The following PICALM variants were observed in gnomAD, a reference collection of about 807,000 sequenced individuals.
The protein encoded by PICALM is phosphatidylinositol-binding clathrin assembly protein.
A neutral mutation model predicts 80.5 loss-of-function variants in PICALM; 40 were observed. That is an observed-to-expected ratio of 0.50 (90% CI 0.39 to 0.65). The LOEUF (loss-of-function observed/expected upper bound fraction) is 0.65. PICALM is among the 30% of genes least tolerant of loss of function. The pLI is 0.00. For missense variants in PICALM, 676 were observed against 778.9 expected, an observed-to-expected ratio of 0.87 and a Z score of 1.57; for synonymous variants, 288 against 260.3, an observed-to-expected ratio of 1.11 and a Z score of -1.02.
rs73508141 is a variant in PICALM at position 86,043,315 on chromosome 11, T to C, written c.131-11704A>G. Among the ~76,000 whole-genome samples the C allele has an allele frequency of 3.0e-3, 450 of 152,326 alleles. 1 individual carries two copies. Among genetic ancestry groups the C allele is most frequent in the African/African-American group, 0.01 (422 of 41,576 alleles). On this transcript the variant is annotated intron_variant, in intron 1 of 19. Transcript: ENST00000393346. ...CTAACCCCTCTACCCATGACCATTT[T>C]TAACAATAATCTCTGCTTCTGTTTT...
rs541539174 is a variant in PICALM at position 86,012,874 on chromosome 11, TA to T, written c.547-483del. On this transcript the variant is annotated intron_variant, in intron 5 of 19. Coordinates refer to ENST00000393346, the MANE Select transcript of PICALM (RefSeq NM_007166.4). Reference sequence around the variant, plus strand: ...AAGTAAATGAAAACAATTTACAAAATAAAAAATACATATGGATAATAACGTG... The same window carrying T: ...AAGTAAATGAAAACAATTTACAAAATAAAAATACATATGGATAATAACGTG... Among the ~76,000 whole-genome samples, 352 of 152,046 alleles carry T rather than the reference TA, an allele frequency of 2.3e-3. 1 individual carries two copies. Among genetic ancestry groups the T allele is most frequent in the African/African-American group, 8.3e-3 (345 of 41,464 alleles).
At chr11:86,039,080 T>C (rs1035094442) in intron 1 of PICALM, among the ~76,000 whole-genome samples, 2 of 150,252 alleles carry the variant, frequency 1.3e-5, no homozygotes, top group Admixed American at 6.7e-5. Flanking sequence ...CACTGCACTC[T>C]TGTCTGGGCA....
At position 85,958,908 on chromosome 11, in the gene PICALM, C is replaced by T. The variant is rs61284324; in HGVS notation, c.*138G>A. ...TCCCAATTTCCTTCATGGGCCTTCA[C>T]TGAGTTACTTGTAGCATTCTAATGG... is the stretch of plus-strand genomic sequence containing the variant. On this transcript the variant is annotated 3_prime_UTR_variant, in exon 20 of 20. Coordinates refer to ENST00000393346, the MANE Select transcript of PICALM (RefSeq NM_007166.4). 1,615 of 590,952 alleles carry T rather than the reference C, an allele frequency of 2.7e-3. 22 individuals are homozygous for T. Among genetic ancestry groups the T allele is most frequent in the African/African-American group, 0.027 (1,465 of 54,344 alleles). The allele number at this position is 590,952 out of a possible 1,614,324, so 36.6% of individuals were successfully genotyped here.
At chr11:85,970,321 T>C (rs927101917) in intron 19 of PICALM, among the ~76,000 whole-genome samples, 4 of 152,302 alleles carry the variant, frequency 2.6e-5, no homozygotes, top group Non-Finnish European at 5.9e-5. Flanking sequence ...AAACCCACTT[T>C]ATGGCAGGTG....
intron 17 of PICALM, chr11:85,978,044 A>C: frequency 1.9e-6 from 3 of 1,603,366 alleles, no homozygotes; most frequent in Non-Finnish European, 2.6e-6. Context: ...AATTTATTGC[A>C]AAAAGGCTCG....
intron 1 of PICALM, among the ~76,000 whole-genome samples, chr11:86,050,278 A>C (rs935921136): frequency 6.6e-6 from 1 of 152,024 alleles, no homozygotes; most frequent in Non-Finnish European, 1.5e-5. Flanking sequence ...CCCAAAAAAA[A>C]AGCCAAAAAG....
intron 17 of PICALM, chr11:85,978,051 C>T: frequency 6.2e-7 from 1 of 1,607,806 alleles, no homozygotes; most frequent in Middle Eastern, 1.7e-4. Flanking sequence ...TGCAAAAAGG[C>T]TCGTTTTTGG....
At chr11:86,036,999 T>G (rs2095852679) in intron 1 of PICALM, among the ~76,000 whole-genome samples, 1 of 149,412 alleles carries the variant, frequency 6.7e-6, no homozygotes. Flanking sequence ...CAGGCTGGAG[T>G]GCATGGCGTG....
At chr11:85,991,269 G>T (rs1157725069) in intron 12 of PICALM, among the ~76,000 whole-genome samples, 1 of 152,060 alleles carries the variant, frequency 6.6e-6, no homozygotes, top group Non-Finnish European at 1.5e-5. Flanking sequence ...TTTTTTCTTT[G>T]TAACATAATT....
chr11:85,980,870 TAGG>T (rs758934382), intron 17 of PICALM, among the ~76,000 whole-genome samples: 7 of 152,180 alleles, frequency 4.6e-5, no homozygotes, highest in Non-Finnish European at 1.0e-4. Flanking sequence ...AACACATTAA[TAGG>T]AGGATTATAA....
intron 2 of PICALM, among the ~76,000 whole-genome samples, chr11:86,028,481 T>C (rs2095689166): frequency 6.6e-6 from 1 of 152,222 alleles, no homozygotes; most frequent in Admixed American, 6.5e-5. Flanking sequence ...CCATGCTTGG[T>C]ACTTCTCTTT....
At chr11:86,057,862 G>T (rs1302924666) in intron 1 of PICALM, among the ~76,000 whole-genome samples, 1 of 152,018 alleles carries the variant, frequency 6.6e-6, no homozygotes, top group African/African-American at 2.4e-5. Flanking sequence ...TTTACATCAG[G>T]GATTTGAGCA....
Position 85,974,925 on chromosome 11 carries a change from G to T in PICALM, c.1840-113C>A, listed in dbSNP as rs1032391077. The T allele has an allele frequency of 8.1e-6, 6 of 736,434 alleles. No homozygotes were observed. In the African/African-American group the frequency reaches 8.6e-5, roughly 11 times the overall value. The allele number at this position is 736,434 out of a possible 1,614,324, so 45.6% of individuals were successfully genotyped here. On this transcript the variant is annotated intron_variant, in intron 18 of 19. Transcript: ENST00000393346. ...TCCTAGTACCTTTGCTTGACTCAAAGGGTAACTTCCTCTGAATATAAGTAA... is the reference window on the plus strand; with the variant it reads ...TCCTAGTACCTTTGCTTGACTCAAATGGTAACTTCCTCTGAATATAAGTAA...
intron 19 of PICALM, chr11:85,960,551 G>A: frequency 2.7e-6 from 1 of 364,912 alleles, no homozygotes; most frequent in Non-Finnish European, 5.2e-6. Context: ...TAGAGGAAGA[G>A]GAGGAGGAGG....
chr11:86,067,900 G>A (rs2096468738), intron 1 of PICALM, among the ~76,000 whole-genome samples: 1 of 148,700 alleles, frequency 6.7e-6, no homozygotes, highest in South Asian at 2.1e-4. Flanking sequence ...TTCCACCAGA[G>A]GCAAATAAAA....
At chr11:85,991,411 G>T (rs1478296783) in intron 12 of PICALM, among the ~76,000 whole-genome samples, 1 of 152,024 alleles carries the variant, frequency 6.6e-6, no homozygotes, top group African/African-American at 2.4e-5. Context: ...TCTTAAGATT[G>T]TATGATTGAA....
rs531871036 is a variant in PICALM at position 85,966,262 on chromosome 11, A to G, written c.1945-7202T>C. Among the ~76,000 whole-genome samples the G allele has an allele frequency of 2.0e-5, 3 of 152,114 alleles. No individual in the cohort carries two copies. In the South Asian group the frequency reaches 6.2e-4, roughly 32 times the overall value. On this transcript the variant is annotated intron_variant, in intron 19 of 19. Coordinates refer to ENST00000393346, the MANE Select transcript of PICALM (RefSeq NM_007166.4). The stretch of plus-strand genomic sequence containing the variant: ...AGCTCTGTTGCCCAGGCTGGAGTAC[A>G]GTGGTGTGATCATTGCTAACTGTAG...
rs745449661 is a variant in PICALM at position 85,983,858 on chromosome 11, T to C, written c.1516+8A>G. 7 of 1,250,640 alleles carry C rather than the reference T, an allele frequency of 5.6e-6. No individual in the cohort carries two copies. In the Admixed American group the frequency reaches 7.9e-5, roughly 14 times the overall value. The allele number at this position is 1,250,640 out of a possible 1,614,324, so 77.5% of individuals were successfully genotyped here. A position where few individuals can be genotyped will look rare whatever the true frequency, so the allele number is the denominator to read the frequency against. ...TATAATATTTTTAATAAAATTTTTT[T>C]TCCTTACCCCCAGAATCTACAATAA... On this transcript the variant is annotated splice_region_variant and intron_variant, in intron 14 of 19. Transcript: ENST00000393346.
intron 1 of PICALM, among the ~76,000 whole-genome samples, chr11:86,032,942 T>C (rs1238867087): frequency 6.6e-6 from 1 of 152,152 alleles, no homozygotes; most frequent in African/African-American, 2.4e-5. Flanking sequence ...GATAAACACA[T>C]GCATTTTAGA....
Sources: allele counts gnomAD v4.1 joint callset (sites outside exome capture counted in the v4.1 genomes callset), GRCh38; gene constraint gnomAD v4.1.1; transcripts MANE v1.5; gene names NCBI Gene and HGNC (gene_info 2026-07-23, HGNC 2026-07-21).